TLCD3B: variants seen among roughly 807,000 people sequenced by gnomAD.
TLCD3B encodes ceramide synthase.
A neutral mutation model predicts 23.0 loss-of-function variants in TLCD3B; 9 were observed. The ratio of observed to expected loss-of-function variants is 0.39; its 90% CI spans 0.24 to 0.68. TLCD3B has a LOEUF of 0.68. TLCD3B is among the 30% of genes least tolerant of loss of function. TLCD3B has a pLI of 0.44. For synonymous variants in TLCD3B, 161 were observed against 161.0 expected, an observed-to-expected ratio of 1.00 and a Z score of 0.00; for missense variants, 307 against 371.8, an observed-to-expected ratio of 0.83 and a Z score of 1.43.
rs149704137 is a variant in TLCD3B at position 30,037,872 on chromosome 16, C to T, written c.-66-1658G>A. The stretch of plus-strand genomic sequence containing the variant: ...AGATAATCAAAGAAACATTTCACTT[C>T]CCTATTGCTGAAATAAAGAAACAAA... On this transcript the variant is annotated intron_variant, in intron 3 of 6. Coordinates refer to the TLCD3B transcript ENST00000561666. Among the ~76,000 whole-genome samples, 74 of 152,266 alleles carry T rather than the reference C, an allele frequency of 4.9e-4. No homozygotes were observed. The East Asian group carries it at 0.013, about 27-fold the overall frequency.
Position 30,029,730 on chromosome 16 carries a change from C to T in TLCD3B, c.126-215G>A, listed in dbSNP as rs915490939. On this transcript the variant is annotated intron_variant, in intron 1 of 4. Coordinates refer to ENST00000380495, the MANE Select transcript of TLCD3B (RefSeq NM_031478.6). The surrounding 1 kb of genome is among the most constrained non-coding windows in gnomAD (Gnocchi z 4.6). ...CGCTCGGCTGCTGTTCCTCAGTCCA[C>T]CCCACTCCTTGCCACCTTCTTCCTT... Among the ~76,000 whole-genome samples, 1 of 152,222 alleles carries T rather than the reference C, an allele frequency of 6.6e-6. No homozygotes were observed. The highest frequency in any genetic ancestry group is 1.5e-5 in the Non-Finnish European group (1 of 68,036).
At chr16:30,043,181 C>G (rs2071604256) in intron 2 of TLCD3B, among the ~76,000 whole-genome samples, 1 of 152,102 alleles carries the variant, frequency 6.6e-6, no homozygotes, top group African/African-American at 2.4e-5. Flanking sequence ...TATTAACTAA[C>G]ATAATATCCA....
intron 3 of TLCD3B, among the ~76,000 whole-genome samples, chr16:30,038,440 G>A (rs1186882812): frequency 6.6e-6 from 1 of 152,122 alleles, no homozygotes; most frequent in Non-Finnish European, 1.5e-5. Context: ...GCCACAGAGT[G>A]CGACTCCGTC....
chr16:30,029,415 T>C lies in TLCD3B; in HGVS notation c.209+17A>G. The C allele has an allele frequency of 6.2e-7, 1 of 1,611,122 alleles. No homozygotes were observed. The highest frequency in any genetic ancestry group is 8.5e-7 in the Non-Finnish European group (1 of 1,177,896). On this transcript the variant is annotated intron_variant, in intron 2 of 4. Coordinates refer to ENST00000380495, the MANE Select transcript of TLCD3B (RefSeq NM_031478.6). This position sits in a 1 kb window ranked among gnomAD's most constrained non-coding sequence, Gnocchi z 4.6. ...AACCACTGGCACCTGGGCAGGGGGG[T>C]GTCTCGCAGCACTTACTGGTCATCA...
At chr16:30,040,801 G>A (rs1175735583) in intron 3 of TLCD3B, among the ~76,000 whole-genome samples, 1 of 151,928 alleles carries the variant, frequency 6.6e-6, no homozygotes, top group Admixed American at 6.6e-5. Flanking sequence ...GATGACAGGC[G>A]TGCACCACCA....
chr16:30,025,417 C>T lies in TLCD3B; in HGVS notation c.591G>A (p.Leu197=), dbSNP rs764640603. The change falls in exon 5 of 5, where the codon CTG becomes CTA. Residue 197 remains leucine, a synonymous_variant. Transcript: ENST00000380495. This position sits in a 1 kb window ranked among gnomAD's most constrained non-coding sequence, Gnocchi z 4.1. ...LLHKVNGALM[L]LSFLCCRVLL... ...GCACCCGGCAGCAGAGGAAGCTGAG[C>T]AGCATCAGGGCCCCGTTCACCTTGT... 1.2e-6 allele frequency: 2 copies of T among 1,612,182 alleles called. No individual in the cohort carries two copies. Among genetic ancestry groups the T allele is most frequent in the Admixed American group, 1.7e-5 (1 of 59,876 alleles).
At chr16:30,027,636 A>C in intron 2 of TLCD3B, 1 of 456,136 alleles carries the variant, frequency 2.2e-6, no homozygotes, top group Non-Finnish European at 4.4e-6. Context: ...AATGCAGAGC[A>C]AAAGGAGCCA....
At chr16:30,034,701 T>C (rs1332982730), upstream of TLCD3B, among the ~76,000 whole-genome samples, 1 of 152,146 alleles carries the variant, frequency 6.6e-6, no homozygotes, top group Admixed American at 6.5e-5. Flanking sequence ...CCAGCCTATA[T>C]CATCCCTGCA....
At chr16:30,035,811 G>A (rs562733659), upstream of TLCD3B, among the ~76,000 whole-genome samples, 5 of 147,456 alleles carry the variant, frequency 3.4e-5, no homozygotes, top group South Asian at 1.1e-3. Context: ...TGCCCAGGCT[G>A]GAGTGTGGTG....
chr16:30,047,918 A>C (rs2071698219), intron 1 of TLCD3B, among the ~76,000 whole-genome samples: 1 of 150,760 alleles, frequency 6.6e-6, no homozygotes, highest in Non-Finnish European at 1.5e-5. Flanking sequence ...AAGGCGGGTG[A>C]ATTACCTGAG....
Position 30,026,722 on chromosome 16 carries a change from C to T in TLCD3B, c.331G>A (p.Ala111Thr), listed in dbSNP as rs1161189769. ...QVKGHGGDDGAARAPGSTWAI... is the reference protein window; with the variant it reads ...QVKGHGGDDGTARAPGSTWAI... Reference sequence around the variant, plus strand: ...CACGTGCTGCCCGGGGCTCTGGCCGCTCCGTCGTCCCCTCCATGCCCTTTG... The same window carrying T: ...CACGTGCTGCCCGGGGCTCTGGCCGTTCCGTCGTCCCCTCCATGCCCTTTG... Residue 111 changes from alanine to threonine, a missense_variant, in exon 3 of 5, where the codon GCG becomes ACG. By Grantham distance (58) the Ala-to-Thr change is moderately conservative (BLOSUM62 0). Transcript: ENST00000380495. 6.2e-7 allele frequency: 1 copy of T among 1,614,072 alleles called. No homozygotes were observed. The highest frequency in any genetic ancestry group is 2.2e-5 in the East Asian group (1 of 44,882).
Position 30,029,355 on chromosome 16 carries a change from A to G in TLCD3B, c.209+77T>C. The G allele has an allele frequency of 1.5e-6, 2 of 1,329,860 alleles. No individual in the cohort carries two copies. The highest frequency in any genetic ancestry group is 2.4e-5 in the East Asian group (1 of 42,410). The allele number at this position is 1,329,860 out of a possible 1,614,324, so 82.4% of individuals were successfully genotyped here. On this transcript the variant is annotated intron_variant, in intron 2 of 4. Coordinates refer to ENST00000380495, the MANE Select transcript of TLCD3B (RefSeq NM_031478.6). The surrounding 1 kb of genome is among the most constrained non-coding windows in gnomAD (Gnocchi z 4.6). ...GGGACCACAGACAGAGTTCCCTCCA[A>G]GATGTGGGGTCTTCCGGGATTACCC... is the stretch of plus-strand genomic sequence containing the variant.
rs372756087 is a variant in TLCD3B at position 30,024,696 on chromosome 16, AT to A, written c.*486del. 149 of 182,982 alleles carry A rather than the reference AT, an allele frequency of 8.1e-4. 2 individuals carry two copies. In the East Asian group the frequency reaches 0.018, roughly 23 times the overall value. The allele number at this position is 182,982 out of a possible 1,614,324, so 11.3% of individuals were successfully genotyped here. ...TGGGTAAATAAATAAAATAAATAAG[AT>A]TCCTCAAGCTGGCCTACCCTGGAGA... On this transcript the variant is annotated 3_prime_UTR_variant, in exon 5 of 5. Coordinates refer to ENST00000380495, the MANE Select transcript of TLCD3B (RefSeq NM_031478.6).
At chr16:30,035,299 A>G (rs967863804), upstream of TLCD3B, 4 of 1,282,988 alleles carry the variant, frequency 3.1e-6, no homozygotes, top group African/African-American at 3.0e-5. Context: ...GTAAAAGATC[A>G]GTTCCACCAG....
chr16:30,029,945 G>T lies in TLCD3B; in HGVS notation c.126-430C>A. ...ACCCTTTGTGACCCCGAGTTCCCCA[G>T]TCACTTTCCCACTGTCTCCTGACTG... On this transcript the variant is annotated intron_variant, in intron 1 of 4. Transcript: ENST00000380495. The surrounding 1 kb of genome is among the most constrained non-coding windows in gnomAD (Gnocchi z 4.6). 9.4e-7 allele frequency: 1 copy of T among 1,058,630 alleles called. No homozygotes were observed. The highest frequency in any genetic ancestry group is 1.3e-6 in the Non-Finnish European group (1 of 764,234). The allele number at this position is 1,058,630 out of a possible 1,614,324, so 65.6% of individuals were successfully genotyped here. A position where few individuals can be genotyped will look rare whatever the true frequency, so the allele number is the denominator to read the frequency against.
chr16:30,039,446 A>G (rs931901465), intron 3 of TLCD3B, among the ~76,000 whole-genome samples: 1 of 151,172 alleles, frequency 6.6e-6, no homozygotes, highest in Non-Finnish European at 1.5e-5. Context: ...CTTTTGAGAC[A>G]GGGTCTCACT....
At chr16:30,044,845 C>T (rs932740236) in intron 2 of TLCD3B, among the ~76,000 whole-genome samples, 21 of 151,922 alleles carry the variant, frequency 1.4e-4, no homozygotes, top group Non-Finnish European at 2.5e-4. Context: ...CTTTGGAGGC[C>T]GGCGGGCGGC....
intron 2 of TLCD3B, among the ~76,000 whole-genome samples, chr16:30,045,186 C>T (rs994022215): frequency 1.3e-5 from 2 of 150,436 alleles, no homozygotes; most frequent in African/African-American, 4.9e-5. Context: ...AGAGTTTCTC[C>T]TGCAGTAATC....
At chr16:30,047,134 C>CATCT (rs1555476521) in intron 1 of TLCD3B, among the ~76,000 whole-genome samples, 2 of 150,300 alleles carry the variant, frequency 1.3e-5, no homozygotes, top group Non-Finnish European at 3.0e-5. Flanking sequence ...CCTGTTGTGT[C>CATCT]ATCTGTCTGT....
Sources: gnomAD v4.1 joint callset for allele counts (sites outside exome capture counted in the v4.1 genomes callset) on GRCh38, gnomAD v4.1.1 for gene constraint, Gnocchi (gnomAD v3.1) non-coding constraint, MANE v1.5 for transcripts, NCBI Gene and HGNC (gene_info 2026-07-23, HGNC 2026-07-21) for gene names.